The following BRD10 variants were observed in gnomAD, a reference collection of about 807,000 sequenced individuals.
The protein encoded by BRD10 is bromodomain containing 10.
At chr9:6,007,288 G>A in the BRD10 span, 10 of 1,613,876 alleles carry the variant, frequency 6.2e-6, no homozygotes, top group East Asian at 8.9e-5. Context: ...GCGGTAGCAC[G>A]TCTCCAGCAT....
chr9:5,940,436 G>A, the BRD10 span, among the ~76,000 whole-genome samples: 20 of 152,054 alleles, frequency 1.3e-4, no homozygotes, highest in African/African-American at 2.2e-4. Flanking sequence ...CTTGTGATCC[G>A]CCCACCTTGG....
At chr9:5,900,309 T>C in the BRD10 span, among the ~76,000 whole-genome samples, 1 of 152,198 alleles carries the variant, frequency 6.6e-6, no homozygotes, top group Admixed American at 6.5e-5. Context: ...TTGTAGTTTC[T>C]GAGACTTTTT....
the BRD10 span, among the ~76,000 whole-genome samples, chr9:5,902,822 A>T: frequency 6.6e-6 from 1 of 151,886 alleles, no homozygotes; most frequent in African/African-American, 2.4e-5. Context: ...CTTGTTTTCA[A>T]TTTCATTGAT....
At chr9:5,948,655 TA>T in the BRD10 span, among the ~76,000 whole-genome samples, 6 of 151,762 alleles carry the variant, frequency 4.0e-5, no homozygotes, top group Non-Finnish European at 8.8e-5. Flanking sequence ...AAGGTAACAT[TA>T]AAAAATACAA....
At chr9:6,003,463 T>G in the BRD10 span, among the ~76,000 whole-genome samples, 1 of 152,352 alleles carries the variant, frequency 6.6e-6, no homozygotes, top group Admixed American at 6.5e-5. Context: ...TTAATTGCTA[T>G]TTCTCACAGT....
the BRD10 span, among the ~76,000 whole-genome samples, chr9:5,965,276 C>T: frequency 1.3e-5 from 2 of 151,256 alleles, no homozygotes; most frequent in South Asian, 2.1e-4. Context: ...CACAGGTTAT[C>T]GGTAATCATT....
At chr9:5,919,478 G>A in the BRD10 span, 11 of 496,858 alleles carry the variant, frequency 2.2e-5, no homozygotes, top group Non-Finnish European at 1.0e-5. Context: ...TAAGTGAAAT[G>A]GAACAGATCT....
the BRD10 span, among the ~76,000 whole-genome samples, chr9:5,943,759 C>T: frequency 1.3e-5 from 2 of 152,138 alleles, no homozygotes; most frequent in African/African-American, 4.8e-5. Flanking sequence ...TCCACATTCT[C>T]AAGTTAATTA....
the BRD10 span, among the ~76,000 whole-genome samples, chr9:5,918,429 C>G: frequency 6.6e-6 from 1 of 152,062 alleles, no homozygotes; most frequent in Admixed American, 6.5e-5. Context: ...TAAAACGAGG[C>G]ATATTCTTGG....
chr9:5,954,583 T>G, the BRD10 span, among the ~76,000 whole-genome samples: 1 of 152,208 alleles, frequency 6.6e-6, no homozygotes, highest in South Asian at 2.1e-4. Context: ...CTCCTTTAGC[T>G]CTGCACTCAC....
At chr9:5,920,578 AG>A in the BRD10 span, 1 of 1,613,932 alleles carries the variant, frequency 6.2e-7, no homozygotes, top group Non-Finnish European at 8.5e-7. Context: ...ATTCAGTTTG[AG>A]GTTTATTTGT....
At chr9:5,904,515 C>T in the BRD10 span, among the ~76,000 whole-genome samples, 36 of 152,210 alleles carry the variant, frequency 2.4e-4, no homozygotes, top group African/African-American at 6.7e-4. Context: ...CTCTGTCGCC[C>T]AGGCTGGAGT....
the BRD10 span, among the ~76,000 whole-genome samples, chr9:5,996,720 G>C: frequency 6.6e-6 from 1 of 152,152 alleles, no homozygotes; most frequent in Non-Finnish European, 1.5e-5. Context: ...CAAATGCAAA[G>C]TTTTTATTTA....
At chr9:5,961,303 T>C in the BRD10 span, among the ~76,000 whole-genome samples, 1 of 152,112 alleles carries the variant, frequency 6.6e-6, no homozygotes, top group African/African-American at 2.4e-5. Context: ...CACAAGATAA[T>C]GGGAGGCTTC....
chr9:5,992,451 TA>T, the BRD10 span, among the ~76,000 whole-genome samples: 3 of 152,192 alleles, frequency 2.0e-5, no homozygotes, highest in South Asian at 2.1e-4. Flanking sequence ...TAAAATAAGA[TA>T]AAAAAATAAA....
At chr9:5,920,626 T>A in the BRD10 span, 1 of 1,614,012 alleles carries the variant, frequency 6.2e-7, no homozygotes, top group East Asian at 2.2e-5. Flanking sequence ...AAATCCCTGG[T>A]GAATGGAACT....
the BRD10 span, among the ~76,000 whole-genome samples, chr9:5,973,503 A>G: frequency 3.9e-5 from 6 of 152,202 alleles, no homozygotes; most frequent in African/African-American, 9.6e-5. Context: ...AATAAAATAC[A>G]TAACAGTAAT....
chr9:5,968,053 G>C, the BRD10 span: 1 of 1,519,170 alleles, frequency 6.6e-7, no homozygotes, highest in African/African-American at 1.4e-5. Flanking sequence ...CTTTTTTTTT[G>C]ATGATCAATA....
chr9:5,915,222 C>CT, the BRD10 span, among the ~76,000 whole-genome samples: 1 of 152,012 alleles, frequency 6.6e-6, no homozygotes, highest in South Asian at 2.1e-4. Context: ...TACTAGATAC[C>CT]TGATTATGCC....
Sources: gnomAD v4.1 joint callset for allele counts (sites outside exome capture counted in the v4.1 genomes callset) on GRCh38, gnomAD v4.1.1 for gene constraint, MANE v1.5 for transcripts, NCBI Gene and HGNC (gene_info 2026-07-23, HGNC 2026-07-21) for gene names.